Variants in ABTB3 observed in about 807,000 individuals in gnomAD.
The protein encoded by ABTB3 is ankyrin repeat- and BTB/POZ domain-containing protein 3.
chr12:107,500,653 AG>A, the ABTB3 span, among the ~76,000 whole-genome samples: 3 of 152,304 alleles, frequency 2.0e-5, no homozygotes, highest in South Asian at 6.2e-4. Flanking sequence ...TGTGTAAACC[AG>A]GGGTCTTCCA....
At chr12:107,651,624 C>T in the ABTB3 span, 1 of 1,347,822 alleles carries the variant, frequency 7.4e-7, no homozygotes, top group African/African-American at 1.4e-5. Context: ...ATTGTTACCT[C>T]CTTTCCATCC....
chr12:107,408,039 G>A, the ABTB3 span, among the ~76,000 whole-genome samples: 1 of 151,958 alleles, frequency 6.6e-6, no homozygotes, highest in Non-Finnish European at 1.5e-5. Flanking sequence ...ACTGACAGCT[G>A]GAAAAATGAG....
the ABTB3 span, among the ~76,000 whole-genome samples, chr12:107,643,433 C>T: frequency 3.5e-5 from 5 of 143,882 alleles, no homozygotes; most frequent in East Asian, 4.3e-4. Flanking sequence ...AAAAGGTTTC[C>T]AAAGATAAGA....
the ABTB3 span, among the ~76,000 whole-genome samples, chr12:107,400,469 C>T: frequency 6.6e-6 from 1 of 152,094 alleles, no homozygotes; most frequent in Non-Finnish European, 1.5e-5. Flanking sequence ...TTTCTCTGTT[C>T]TTGTTTATGT....
the ABTB3 span, among the ~76,000 whole-genome samples, chr12:107,354,050 C>T: frequency 4.6e-5 from 7 of 152,202 alleles, no homozygotes; most frequent in African/African-American, 1.7e-4. Flanking sequence ...TTTTATTGTA[C>T]AGTTCTGAGT....
At chr12:107,431,548 G>T in the ABTB3 span, among the ~76,000 whole-genome samples, 3 of 152,148 alleles carry the variant, frequency 2.0e-5, no homozygotes, top group African/African-American at 7.2e-5. Flanking sequence ...GGCGGAGGTT[G>T]CAGTGAGCCG....
the ABTB3 span, chr12:107,615,209 T>C: frequency 2.0e-6 from 3 of 1,469,916 alleles, no homozygotes; most frequent in East Asian, 2.3e-5. Flanking sequence ...ATTTTACCTC[T>C]TCCATAACAC....
the ABTB3 span, among the ~76,000 whole-genome samples, chr12:107,441,793 A>T: frequency 6.7e-6 from 1 of 150,220 alleles, no homozygotes; most frequent in Non-Finnish European, 1.5e-5. Flanking sequence ...AAAAAAAAAT[A>T]GCAGGGTGTG....
chr12:107,342,158 A>G, the ABTB3 span, among the ~76,000 whole-genome samples: 1 of 152,006 alleles, frequency 6.6e-6, no homozygotes, highest in Non-Finnish European at 1.5e-5. Flanking sequence ...TTTCTAAGCC[A>G]CTGTGATCCT....
chr12:107,578,534 A>G, the ABTB3 span, among the ~76,000 whole-genome samples: 419 of 151,994 alleles, frequency 2.8e-3, 9 homozygotes, highest in East Asian at 0.042. Flanking sequence ...CCAGGGACTC[A>G]GGGTTGTGGA....
At chr12:107,351,929 G>A in the ABTB3 span, among the ~76,000 whole-genome samples, 67 of 152,300 alleles carry the variant, frequency 4.4e-4, no homozygotes, top group Middle Eastern at 3.4e-3. Context: ...GGTAGGAAGA[G>A]TCTTTAACTG....
chr12:107,520,846 G>A, the ABTB3 span, among the ~76,000 whole-genome samples: 4 of 152,178 alleles, frequency 2.6e-5, no homozygotes, highest in East Asian at 3.9e-4. Context: ...TCCTGGTTCC[G>A]CCATAAATGC....
chr12:107,339,675 A>G, the ABTB3 span, among the ~76,000 whole-genome samples: 1 of 125,468 alleles, frequency 8.0e-6, no homozygotes, highest in Non-Finnish European at 1.6e-5. Flanking sequence ...GTGTGTGTGC[A>G]TGCACGTGTG....
the ABTB3 span, among the ~76,000 whole-genome samples, chr12:107,553,892 A>G: frequency 6.6e-6 from 1 of 152,170 alleles, no homozygotes; most frequent in Admixed American, 6.5e-5. Context: ...GTGAGCCAAG[A>G]TTGTGCCACT....
At chr12:107,414,716 C>CTTTTTT in the ABTB3 span, among the ~76,000 whole-genome samples, 20 of 144,716 alleles carry the variant, frequency 1.4e-4, 1 homozygote, top group East Asian at 2.1e-4. Flanking sequence ...CTTTTCTTTT[C>CTTTTTT]TTTTTCTTTT....
chr12:107,410,896 G>T, the ABTB3 span, among the ~76,000 whole-genome samples: 1 of 152,118 alleles, frequency 6.6e-6, no homozygotes, highest in Non-Finnish European at 1.5e-5. Context: ...GAGCTTTCAG[G>T]GTATAGACAG....
chr12:107,433,112 C>T, the ABTB3 span, among the ~76,000 whole-genome samples: 9 of 150,336 alleles, frequency 6.0e-5, no homozygotes, highest in Middle Eastern at 3.4e-3. Flanking sequence ...GGTGAAACCC[C>T]GTCTCTACTA....
At chr12:107,470,001 T>TC in the ABTB3 span, among the ~76,000 whole-genome samples, 6 of 102,006 alleles carry the variant, frequency 5.9e-5, no homozygotes, top group East Asian at 2.7e-4. Flanking sequence ...TCTTTCTTTC[T>TC]TTCTTTCTTT....
chr12:107,443,414 G>A, the ABTB3 span, among the ~76,000 whole-genome samples: 1 of 152,008 alleles, frequency 6.6e-6, no homozygotes, highest in Non-Finnish European at 1.5e-5. Flanking sequence ...GACCTTGGTA[G>A]CACATGACTT....
Sources: allele counts gnomAD v4.1 joint callset (sites outside exome capture counted in the v4.1 genomes callset), GRCh38; gene constraint gnomAD v4.1.1; transcripts MANE v1.5; gene names NCBI Gene and HGNC (gene_info 2026-07-23, HGNC 2026-07-21).